Variants in CREB1 observed in about 807,000 individuals in gnomAD.
The protein encoded by CREB1 is cyclic AMP-responsive element-binding protein 1.
Under a neutral mutation model 42.0 loss-of-function variants are expected in CREB1, and 2 were observed. That is an observed-to-expected ratio of 0.05 (90% CI 0.02 to 0.15). The LOEUF (loss-of-function observed/expected upper bound fraction) is 0.15. Ranked by LOEUF, CREB1 falls within the 10% of genes least tolerant of loss-of-function variation. The probability of loss-of-function intolerance (pLI) is 1.00; values close to 1 mark genes in which losing one functional copy is unlikely to be tolerated. For missense variants in CREB1, 199 were observed against 388.9 expected, an observed-to-expected ratio of 0.51 and a Z score of 4.11; for synonymous variants, 123 against 139.9, an observed-to-expected ratio of 0.88 and a Z score of 0.85.
intron 3 of CREB1, among the ~76,000 whole-genome samples, chr2:207,561,711 T>G (rs1402418392): frequency 6.6e-6 from 1 of 152,200 alleles, no homozygotes; most frequent in African/African-American, 2.4e-5. Flanking sequence ...CCTGGTTGTT[T>G]TCTTCTGGGT....
rs1191865127 is a variant in CREB1, at chr2:207,582,503, A to G, written c.839+4848A>G. ...TATTGTTATTTATTATGTTGTTCATATTGTTCTAGCTTTGGCTACTGGGAT... is the reference window on the plus strand; with the variant it reads ...TATTGTTATTTATTATGTTGTTCATGTTGTTCTAGCTTTGGCTACTGGGAT... On this transcript the variant is annotated intron_variant, in intron 7 of 7. Transcript: ENST00000353267. Among the ~76,000 whole-genome samples the G allele has an allele frequency of 2.6e-5, 4 of 152,126 alleles. No individual in the cohort carries two copies. In the East Asian group the frequency reaches 7.7e-4, roughly 29 times the overall value.
intron 2 of CREB1, among the ~76,000 whole-genome samples, chr2:207,558,922 C>T (rs1335653706): frequency 1.3e-5 from 2 of 152,152 alleles, no homozygotes; most frequent in Non-Finnish European, 2.9e-5. Context: ...GGATTACAGG[C>T]GTGAGCCACA....
chr2:207,563,305 G>T (rs182070064), intron 3 of CREB1, among the ~76,000 whole-genome samples: 26 of 152,146 alleles, frequency 1.7e-4, no homozygotes, highest in Non-Finnish European at 3.1e-4. Context: ...TCAAATCTAC[G>T]TATTTTAAAA....
intron 2 of CREB1, among the ~76,000 whole-genome samples, chr2:207,557,462 C>T (rs2081775205): frequency 6.6e-6 from 1 of 152,142 alleles, no homozygotes. Context: ...GCAGGCGGAT[C>T]ACGAGGTTAG....
At position 207,575,361 on chromosome 2, in the gene CREB1, G is replaced by A. The variant is rs534114539; in HGVS notation, c.595G>A (p.Ala199Thr). Reference sequence around the variant, plus strand: ...GCAAACATTAACCATGACCAATGCAGCAGCCACTCAGCCGGGTACTACCAT... The same window carrying A: ...GCAAACATTAACCATGACCAATGCAACAGCCACTCAGCCGGGTACTACCAT... ...GLQTLTMTNA[A>T]ATQPGTTILQ... is the part of the protein sequence containing the mutation. The change falls in exon 6 of 8, where the codon GCA becomes ACA. Residue 199 changes from alanine (A) to threonine (T), a missense_variant. Around this residue, in one of 4 missense-constraint regions of CREB1, gnomAD observed 66 missense variants for 88.1 expected, o/e 0.75. Coordinates refer to ENST00000353267, the MANE Select transcript of CREB1 (RefSeq NM_004379.5). 3.1e-6 allele frequency: 5 copies of A among 1,613,842 alleles called. No individual in the cohort carries two copies. In the South Asian group the frequency reaches 5.5e-5, roughly 18 times the overall value.
intron 7 of CREB1, among the ~76,000 whole-genome samples, chr2:207,591,582 G>A (rs1200715170): frequency 2.6e-5 from 4 of 152,004 alleles, no homozygotes; most frequent in South Asian, 4.1e-4. Flanking sequence ...ACAGGTGTGC[G>A]CCACCACACC....
rs2551930 is a variant in CREB1 at position 207,604,861 on chromosome 2, T to C, written c.*7803T>C. On this transcript the variant is annotated 3_prime_UTR_variant, in exon 8 of 8. Coordinates refer to ENST00000353267, the MANE Select transcript of CREB1 (RefSeq NM_004379.5). ...TATTACTTCTTTCGTCTAGCTTTAATGTGTTGTTGAGGTTGATCCATTGTA... is the reference window on the plus strand; with the variant it reads ...TATTACTTCTTTCGTCTAGCTTTAACGTGTTGTTGAGGTTGATCCATTGTA... 0.84 allele frequency among the ~76,000 whole-genome samples: 128,484 copies of C among 152,200 alleles called. 54,420 individuals are homozygous for C. Among genetic ancestry groups the C allele is most frequent in the East Asian group, 1 (5,177 of 5,182 alleles).
chr2:207,536,542 C>A (rs145527310), intron 1 of CREB1, among the ~76,000 whole-genome samples: 123 of 151,944 alleles, frequency 8.1e-4, no homozygotes, highest in African/African-American at 2.9e-3. Flanking sequence ...GCGACAAGAG[C>A]GAAACTCTGT....
chr2:207,532,550 G>C (rs2080689422), intron 1 of CREB1, among the ~76,000 whole-genome samples: 1 of 151,228 alleles, frequency 6.6e-6, no homozygotes. Context: ...GCGCGTGCTT[G>C]TAATCCCAGC....
chr2:207,532,501 C>T (rs2080686023), intron 1 of CREB1, among the ~76,000 whole-genome samples: 1 of 151,490 alleles, frequency 6.6e-6, no homozygotes, highest in South Asian at 2.1e-4. Flanking sequence ...GGTGAAACCC[C>T]GTCTCTACTA....
intron 1 of CREB1, among the ~76,000 whole-genome samples, chr2:207,532,816 G>A (rs2080704215): frequency 6.6e-6 from 1 of 151,842 alleles, no homozygotes; most frequent in South Asian, 2.1e-4. Flanking sequence ...CAGTGGGCTG[G>A]TCTCGGCTCA....
At chr2:207,533,008 C>T (rs181252492) in intron 1 of CREB1, among the ~76,000 whole-genome samples, 39 of 152,032 alleles carry the variant, frequency 2.6e-4, no homozygotes, top group African/African-American at 8.4e-4. Flanking sequence ...CTTGAACATT[C>T]ACCTGGAACA....
intron 1 of CREB1, among the ~76,000 whole-genome samples, chr2:207,546,712 C>T (rs371521458): frequency 6.7e-6 from 1 of 149,308 alleles, no homozygotes; most frequent in Non-Finnish European, 1.5e-5. Flanking sequence ...GCTTGGGGGA[C>T]AGTGAGACCC....
chr2:207,576,241 C>CTTTTTTT (rs35735523), intron 6 of CREB1, among the ~76,000 whole-genome samples: 1 of 101,068 alleles, frequency 9.9e-6, no homozygotes, highest in African/African-American at 3.8e-5. Context: ...CTTTTTTTGG[C>CTTTTTTT]TTTTTTTTTT....
chr2:207,572,370 A>G (rs191518693), intron 5 of CREB1, among the ~76,000 whole-genome samples: 1 of 152,262 alleles, frequency 6.6e-6, no homozygotes, highest in East Asian at 1.9e-4. Flanking sequence ...GATTTTCATT[A>G]AGAGCAATAT....
In CREB1 at chr2:207,586,777, A is replaced by G. The variant is rs77889948; in HGVS notation, c.839+9122A>G. Among the ~76,000 whole-genome samples the G allele has an allele frequency of 6.6e-3, 1,008 of 152,306 alleles. 13 individuals are homozygous for G. Among genetic ancestry groups the G allele is most frequent in the African/African-American group, 0.023 (958 of 41,576 alleles). ...GACATTTCTCAAAAGAAGACATACAAATGGCCAAGAAATATATTTGAAAAG... is the reference window on the plus strand; with the variant it reads ...GACATTTCTCAAAAGAAGACATACAGATGGCCAAGAAATATATTTGAAAAG... On this transcript the variant is annotated intron_variant, in intron 7 of 7. Transcript: ENST00000353267.
rs1298718882 is a variant in CREB1, at chr2:207,599,977, TTAA to T, written c.*2923_*2925del. ...GTGGCACTTTTATCTATAGGACAGA[TTAA>T]TAAAAATGAAGTGGGGAGGGGTTTA... On this transcript the variant is annotated 3_prime_UTR_variant, in exon 8 of 8. Transcript: ENST00000353267. 232 of 192,506 alleles carry T rather than the reference TTAA, an allele frequency of 1.2e-3. 1 individual carries two copies. The highest frequency in any genetic ancestry group is 5.0e-3 in the African/African-American group (218 of 43,214). The allele number at this position is 192,506 out of a possible 1,614,324, so 11.9% of individuals were successfully genotyped here.
chr2:207,557,218 A>G (rs969023918), intron 2 of CREB1, among the ~76,000 whole-genome samples: 2 of 151,704 alleles, frequency 1.3e-5, no homozygotes, highest in Non-Finnish European at 2.9e-5. Context: ...GAGTCACACT[A>G]TTTTGTCCAG....
At chr2:207,553,942 A>G (rs1362222147) in intron 1 of CREB1, among the ~76,000 whole-genome samples, 4 of 152,152 alleles carry the variant, frequency 2.6e-5, no homozygotes, top group Non-Finnish European at 4.4e-5. Context: ...ATGGGGCTCT[A>G]TTTTACAATG....
Sources: allele counts gnomAD v4.1 joint callset (sites outside exome capture counted in the v4.1 genomes callset), GRCh38; gene constraint gnomAD v4.1.1; regional missense constraint gnomAD v4.1.1; transcripts MANE v1.5; gene names NCBI Gene and HGNC (gene_info 2026-07-23, HGNC 2026-07-21).